The following ZNF362 variants were observed in gnomAD, a reference collection of about 807,000 sequenced individuals.
The protein encoded by ZNF362 is rotund homolog.
A neutral mutation model predicts 42.9 loss-of-function variants in ZNF362; 11 were observed. The observed-to-expected ratio is 0.26, with a 90% CI of 0.16 to 0.42. ZNF362 has a LOEUF of 0.42. Ranked by LOEUF, ZNF362 falls within the 20% of genes least tolerant of loss-of-function variation. The pLI is 1.00. For synonymous variants in ZNF362, 255 were observed against 257.3 expected (o/e 0.99, Z 0.09); for missense variants, 362 against 576.2 (o/e 0.63, Z 3.81).
In ZNF362 at chr1:33,280,025, A is replaced by T. The variant is rs922136640; in HGVS notation, c.350-99A>T. 7.1e-7 allele frequency: 1 copy of T among 1,398,942 alleles called. No homozygotes were observed. Among genetic ancestry groups the T allele is most frequent in the Non-Finnish European group, 9.5e-7 (1 of 1,053,044 alleles). 86.7% of individuals were successfully genotyped at this position (1,398,942 alleles called of 1,614,324 possible). A position where few individuals can be genotyped will look rare whatever the true frequency, so the allele number is the denominator to read the frequency against. On this transcript the variant is annotated intron_variant, in intron 4 of 8. Transcript: ENST00000539719. The surrounding 1 kb of genome is among the most constrained non-coding windows in gnomAD (Gnocchi z 5.6). ...CCCTGGGTAATAACTTATGAACGTT[A>T]AGGGGATGCTCGCCTGCCAAAATCA...
At chr1:33,244,903 C>T in the ZNF362 span, among the ~76,000 whole-genome samples, 1 of 152,188 alleles carries the variant, frequency 6.6e-6, no homozygotes, top group African/African-American at 2.4e-5. This position sits in a 1 kb window ranked among gnomAD's most constrained non-coding sequence, Gnocchi z 4.0. Context: ...GACTGCCAAC[C>T]TCATTTTATC....
chr1:33,159,681 CACTT>C, the ZNF362 span: 4 of 1,601,970 alleles, frequency 2.5e-6, no homozygotes, highest in Non-Finnish European at 3.4e-6. This position sits in a 1 kb window ranked among gnomAD's most constrained non-coding sequence, Gnocchi z 4.2. Flanking sequence ...CGGCGGGTGG[CACTT>C]ACCGCTCGGA....
the ZNF362 span, among the ~76,000 whole-genome samples, chr1:33,208,981 G>A: frequency 6.6e-6 from 1 of 152,170 alleles, no homozygotes; most frequent in Non-Finnish European, 1.5e-5. Flanking sequence ...TGGTGAGAGA[G>A]GGCATCCTTG....
chr1:33,207,917 G>A, the ZNF362 span, among the ~76,000 whole-genome samples: 1 of 152,242 alleles, frequency 6.6e-6, no homozygotes, highest in East Asian at 1.9e-4. Flanking sequence ...TCTGATGATA[G>A]TTTCTTTTGC....
intron 1 of ZNF362, among the ~76,000 whole-genome samples, chr1:33,259,798 C>A (rs1393742632): frequency 1.3e-5 from 2 of 152,212 alleles, no homozygotes; most frequent in African/African-American, 4.8e-5. Context: ...CAGGGGAGGT[C>A]TCTCAGAGAA....
chr1:33,221,070 G>A, the ZNF362 span, among the ~76,000 whole-genome samples: 3 of 152,182 alleles, frequency 2.0e-5, no homozygotes, highest in Admixed American at 6.5e-5. Context: ...GGCCATGTGT[G>A]TATGTGAAGG....
At chr1:33,267,158 T>A (rs1361696263) in intron 1 of ZNF362, among the ~76,000 whole-genome samples, 1 of 152,100 alleles carries the variant, frequency 6.6e-6, no homozygotes, top group African/African-American at 2.4e-5. Context: ...TAGGCTGGGG[T>A]TTGGGGTGTC....
chr1:33,176,365 G>T, the ZNF362 span: 11 of 671,540 alleles, frequency 1.6e-5, no homozygotes, highest in Non-Finnish European at 5.5e-6. Flanking sequence ...CTCCCTCCTT[G>T]GGTGGCTGCC....
the ZNF362 span, among the ~76,000 whole-genome samples, chr1:33,213,194 G>A: frequency 6.6e-6 from 1 of 152,140 alleles, no homozygotes; most frequent in African/African-American, 2.4e-5. Flanking sequence ...TGCCCAGGCT[G>A]GAGTGCAGTG....
the ZNF362 span, among the ~76,000 whole-genome samples, chr1:33,127,730 G>A: frequency 5.3e-5 from 8 of 152,216 alleles, no homozygotes; most frequent in African/African-American, 1.9e-4. Flanking sequence ...TTTCATATGC[G>A]AGGGAAAACA....
the ZNF362 span, among the ~76,000 whole-genome samples, chr1:33,155,315 G>A: frequency 1.1e-4 from 16 of 151,784 alleles, no homozygotes; most frequent in Admixed American, 2.6e-4. Context: ...CAAGTGATCC[G>A]CCTGCCTTGC....
At chr1:33,241,737 G>A in the ZNF362 span, among the ~76,000 whole-genome samples, 1 of 152,106 alleles carries the variant, frequency 6.6e-6, no homozygotes, top group Non-Finnish European at 1.5e-5. Flanking sequence ...GTCTTATGCT[G>A]CCAGAAGAAA....
the ZNF362 span, among the ~76,000 whole-genome samples, chr1:33,242,044 G>A: frequency 1.3e-5 from 2 of 152,186 alleles, no homozygotes; most frequent in South Asian, 4.1e-4. Flanking sequence ...CATCAGTCCA[G>A]CAAGAAGAAC....
intron 8 of ZNF362, among the ~76,000 whole-genome samples, chr1:33,297,440 C>CA (rs1646132603): frequency 1.3e-5 from 2 of 151,924 alleles, no homozygotes; most frequent in Non-Finnish European, 2.9e-5. Context: ...ATCAGATACT[C>CA]AAATACCCGT....
chr1:33,224,092 T>G, the ZNF362 span, among the ~76,000 whole-genome samples: 1 of 152,172 alleles, frequency 6.6e-6, no homozygotes, highest in East Asian at 1.9e-4. Flanking sequence ...CAAAATTTAC[T>G]GAACATGCAA....
chr1:33,145,678 C>A, the ZNF362 span: 4 of 323,098 alleles, frequency 1.2e-5, no homozygotes, highest in East Asian at 3.6e-4. Context: ...AAGTCAAGGC[C>A]GGGGAGACAT....
chr1:33,300,685 C>A lies in ZNF362; in HGVS notation c.*1639C>A, dbSNP rs2148150418. 6.6e-6 allele frequency: 1 copy of A among 152,226 alleles called. No homozygotes were observed. Among genetic ancestry groups the A allele is most frequent in the East Asian group, 1.9e-4 (1 of 5,174 alleles). The allele number at this position is 152,226 out of a possible 1,614,324, so 9.4% of individuals were successfully genotyped here. A position where few individuals can be genotyped will look rare whatever the true frequency, so the allele number is the denominator to read the frequency against. ...TACAAACCCTCTGCTCTTTGTATTTCTCTGTTGTGAAGAATAAACTGTACC... is the reference window on the plus strand; with the variant it reads ...TACAAACCCTCTGCTCTTTGTATTTATCTGTTGTGAAGAATAAACTGTACC... On this transcript the variant is annotated 3_prime_UTR_variant, in exon 9 of 9. Transcript: ENST00000539719.
chr1:33,235,129 G>T, the ZNF362 span, among the ~76,000 whole-genome samples: 1 of 152,078 alleles, frequency 6.6e-6, no homozygotes, highest in African/African-American at 2.4e-5. Flanking sequence ...TAGGACACTT[G>T]GGAACTCCTC....
At chr1:33,234,701 A>G in the ZNF362 span, among the ~76,000 whole-genome samples, 29 of 152,272 alleles carry the variant, frequency 1.9e-4, no homozygotes, top group East Asian at 5.0e-3. Context: ...TGACTTGTCC[A>G]CTGGCTCCCT....
Sources: gnomAD v4.1 joint callset for allele counts (sites outside exome capture counted in the v4.1 genomes callset) on GRCh38, gnomAD v4.1.1 for gene constraint, Gnocchi (gnomAD v3.1) non-coding constraint, MANE v1.5 for transcripts, NCBI Gene and HGNC (gene_info 2026-07-23, HGNC 2026-07-21) for gene names.